The following PCNX1 variants were observed in gnomAD, a reference collection of about 807,000 sequenced individuals.
PCNX1 encodes pecanex 1.
A neutral mutation model predicts 242.2 loss-of-function variants in PCNX1; 78 were observed. The observed-to-expected ratio is 0.32, with a 90% CI of 0.27 to 0.39. PCNX1 has a LOEUF of 0.39. Ranked by LOEUF, PCNX1 falls within the 10% of genes least tolerant of loss-of-function variation. PCNX1 has a pLI of 1.00. For synonymous variants in PCNX1, 1,024 were observed against 1,032.9 expected, an observed-to-expected ratio of 0.99 and a Z score of 0.17; for missense variants, 2,581 against 2,856.5, an observed-to-expected ratio of 0.90 and a Z score of 2.20.
chr14:71,074,470 G>T (rs1002227127), intron 27 of PCNX1, among the ~76,000 whole-genome samples: 1 of 152,202 alleles, frequency 6.6e-6, no homozygotes, highest in Non-Finnish European at 1.5e-5. Context: ...TCAGCCAAAG[G>T]AAGAGGTACA....
At chr14:71,078,598 CA>C (rs2061775223) in intron 28 of PCNX1, 1 of 152,182 alleles carries the variant, frequency 6.6e-6, no homozygotes, top group African/African-American at 2.4e-5. Flanking sequence ...CCTTCTCCAC[CA>C]GTAACAAAAT....
intron 28 of PCNX1, 92 bp downstream of exon 28, chr14:71,076,511 A>C: frequency 2.6e-6 from 2 of 763,102 alleles, no homozygotes; most frequent in Non-Finnish European, 4.4e-6. Context: ...TCAGTTTTTC[A>C]AGACCTTCCT....
At chr14:70,988,506 T>C in intron 6 of PCNX1, 61 bp from the exon 7 acceptor site, 2 of 1,571,000 alleles carry the variant, frequency 1.3e-6, no homozygotes, top group Non-Finnish European at 1.7e-6. Flanking sequence ...AAAGCCAGGC[T>C]CAGCTGCTAT....
intron 19 of PCNX1, among the ~76,000 whole-genome samples, chr14:71,038,521 TGA>T (rs1405573111): frequency 1.3e-5 from 2 of 151,740 alleles, no homozygotes; most frequent in African/African-American, 4.8e-5. Context: ...AAAACCACAA[TGA>T]GATACCATCT....
chr14:71,102,298 A>T, intron 31 of PCNX1, 78 bp downstream of exon 31: 3 of 971,646 alleles, frequency 3.1e-6, no homozygotes, highest in Non-Finnish European at 4.8e-6. Flanking sequence ...TTTTTGAGAC[A>T]GAGTCTCACT....
intron 22 of PCNX1, 162 bp from the exon 23 acceptor site, chr14:71,050,490 G>A (rs777544709): frequency 1.1e-4 from 19 of 175,410 alleles, no homozygotes; most frequent in Non-Finnish European, 1.8e-4. Flanking sequence ...TGTTTAGGCA[G>A]TTGATATATC....
At chr14:70,919,677 G>A (rs1321023074) in intron 1 of PCNX1, among the ~76,000 whole-genome samples, 1 of 117,816 alleles carries the variant, frequency 8.5e-6, no homozygotes, top group East Asian at 2.9e-4. Flanking sequence ...GAAATAAGTA[G>A]CTACTGATTC....
chr14:71,043,950 T>C (rs982438330), intron 19 of PCNX1, among the ~76,000 whole-genome samples: 6 of 152,248 alleles, frequency 3.9e-5, no homozygotes, highest in African/African-American at 1.4e-4. Context: ...TATAACAGTT[T>C]TTCCAATTGT....
chr14:70,937,029 A>G (rs1373350944), intron 1 of PCNX1, among the ~76,000 whole-genome samples: 1 of 110,470 alleles, frequency 9.1e-6, no homozygotes, highest in Non-Finnish European at 2.3e-5. Flanking sequence ...GATTCTGGAT[A>G]TTAGCCCTTT....
At chr14:71,026,464 A>G (rs1357101456) in intron 14 of PCNX1, among the ~76,000 whole-genome samples, 176 bp downstream of exon 14, 1 of 152,194 alleles carries the variant, frequency 6.6e-6, no homozygotes, top group Non-Finnish European at 1.5e-5. Context: ...CTAATGATGA[A>G]CAAATATTAT....
intron 11 of PCNX1, among the ~76,000 whole-genome samples, chr14:71,014,516 C>T (rs1049242720): frequency 5.9e-5 from 9 of 152,236 alleles, no homozygotes; most frequent in East Asian, 1.9e-4. Flanking sequence ...AAGTTAACTA[C>T]GGACATAGAA....
intron 16 of PCNX1, among the ~76,000 whole-genome samples, chr14:71,029,505 C>G (rs2060324806): frequency 6.6e-6 from 1 of 152,164 alleles, no homozygotes. Context: ...AAACCATTTT[C>G]TGCTTTGAAG....
chr14:71,017,184 T>C (rs543074541), intron 11 of PCNX1, among the ~76,000 whole-genome samples: 2 of 152,346 alleles, frequency 1.3e-5, no homozygotes, highest in African/African-American at 2.4e-5. Context: ...CTGAAAGAAC[T>C]ACATGACCTT....
At chr14:70,909,824 T>A (rs1437377590) in intron 1 of PCNX1, among the ~76,000 whole-genome samples, 1 of 152,232 alleles carries the variant, frequency 6.6e-6, no homozygotes, top group South Asian at 2.1e-4. Context: ...GCAGTCCCAC[T>A]CTTCCCAAAC....
chr14:71,003,383 G>A lies in PCNX1; in HGVS notation c.2630-6251G>A, dbSNP rs140064981. Among the ~76,000 whole-genome samples the A allele has an allele frequency of 8.9e-4, 136 of 152,206 alleles. 5 individuals are homozygous for A. The East Asian group carries it at 0.019, about 21-fold the overall frequency. On this transcript the variant is annotated intron_variant, in intron 8 of 35. Coordinates refer to ENST00000304743, the MANE Select transcript of PCNX1 (RefSeq NM_014982.3). Reference sequence around the variant, plus strand: ...TGGGATTACGGGCATGAGCCACTGCGCCCAGCCTGGGTTGTTGGTCTTCTA... The same window carrying A: ...TGGGATTACGGGCATGAGCCACTGCACCCAGCCTGGGTTGTTGGTCTTCTA...
At chr14:70,943,420 G>A (rs998837751) in intron 1 of PCNX1, among the ~76,000 whole-genome samples, 2 of 152,230 alleles carry the variant, frequency 1.3e-5, no homozygotes, top group African/African-American at 4.8e-5. Flanking sequence ...GGTGACTCTT[G>A]CTATGCTTTA....
chr14:71,000,692 A>G (rs2140396458), intron 8 of PCNX1, among the ~76,000 whole-genome samples: 1 of 151,520 alleles, frequency 6.6e-6, no homozygotes, highest in Non-Finnish European at 1.5e-5. Context: ...ATGCCTGGCT[A>G]ATTTTGTATT....
At chr14:70,971,008 T>C (rs2058522476) in intron 5 of PCNX1, among the ~76,000 whole-genome samples, 1 of 152,030 alleles carries the variant, frequency 6.6e-6, no homozygotes, top group Non-Finnish European at 1.5e-5. Flanking sequence ...TAGAGAGAAA[T>C]TATAAGAAAC....
chr14:70,989,875 T>C (rs2059113530), intron 7 of PCNX1, among the ~76,000 whole-genome samples: 1 of 152,206 alleles, frequency 6.6e-6, no homozygotes, highest in Non-Finnish European at 1.5e-5. Context: ...GCTTAAGCAG[T>C]GCATATATTA....
Sources: gnomAD v4.1 joint callset for allele counts (sites outside exome capture counted in the v4.1 genomes callset) on GRCh38, gnomAD v4.1.1 for gene constraint, MANE v1.5 for transcripts, NCBI Gene and HGNC (gene_info 2026-07-23, HGNC 2026-07-21) for gene names.